Variants in RSL1D1 observed in about 807,000 individuals in gnomAD.
The protein encoded by RSL1D1 is ribosomal L1 domain-containing protein 1.
In RSL1D1, 34 loss-of-function variants were observed where a neutral mutation model predicts 44.6. That is an observed-to-expected ratio of 0.76 (90% CI 0.58 to 1.02). The LOEUF is 1.02. Among genes scored for constraint, RSL1D1 ranks in the 50% least tolerant of loss-of-function variants. The pLI is 0.00. For missense variants in RSL1D1, 767 were observed against 568.1 expected (o/e 1.35, Z -3.56); for synonymous variants, 271 against 207.4 (o/e 1.31, Z -2.63).
At chr16:11,847,878 T>C in intron 2 of RSL1D1, 72 bp from the exon 3 acceptor site, 11 of 1,447,492 alleles carry the variant, frequency 7.6e-6, no homozygotes, top group Admixed American at 1.9e-5. Context: ...TCACACAGAA[T>C]ACGCGATAAA....
intron 1 of RSL1D1, 200 bp downstream of exon 1, chr16:11,851,208 G>C (rs970506825): frequency 1.6e-6 from 1 of 631,826 alleles, no homozygotes; most frequent in African/African-American, 1.8e-5. Flanking sequence ...CAATTCACTA[G>C]CGCCAGGCCG....
rs770137672 is a variant in RSL1D1, at chr16:11,846,643, C to T, written c.534-41G>A. Reference sequence around the variant, plus strand: ...ACAGGCATTCAGAACACAATGCATACACACCTAGAAGCTTCATGCTGCTAA... The same window carrying T: ...ACAGGCATTCAGAACACAATGCATATACACCTAGAAGCTTCATGCTGCTAA... On this transcript the variant is annotated intron_variant, in intron 4 of 8. Transcript: ENST00000571133. 3 of 1,607,772 alleles carry T rather than the reference C, an allele frequency of 1.9e-6. No homozygotes were observed. In the African/African-American group the frequency reaches 4.0e-5, roughly 22 times the overall value.
intron 7 of RSL1D1, among the ~76,000 whole-genome samples, chr16:11,840,848 G>C (rs1232678072): frequency 3.3e-5 from 5 of 152,154 alleles, no homozygotes; most frequent in African/African-American, 4.8e-5. Context: ...GTCCTGTGAT[G>C]AAACAGCGCC....
At position 11,838,035 on chromosome 16, in the gene RSL1D1, CCTTT is replaced by C; in HGVS notation, c.1221_1224del (p.Lys408LeufsTer31). On this transcript the variant is annotated frameshift_variant, in exon 9 of 9. Coordinates refer to ENST00000571133, the MANE Select transcript of RSL1D1 (RefSeq NM_015659.3). LOFTEE classifies it low-confidence loss of function (END_TRUNC). ...TTTGGGGTCTCAGATGCTGGCAAAG[CCTTT>C]CTTTTCTTCCCACGAGGTGTGCTGG... 1 of 1,613,812 alleles carries C rather than the reference CCTTT, an allele frequency of 6.2e-7. No individual in the cohort carries two copies. Among genetic ancestry groups the C allele is most frequent in the East Asian group, 2.2e-5 (1 of 44,884 alleles).
chr16:11,847,430 C>G (rs1276006060), intron 3 of RSL1D1: 1 of 426,558 alleles, frequency 2.3e-6, no homozygotes, highest in Non-Finnish European at 4.2e-6. Context: ...AGTACACCAA[C>G]TACAAAACAG....
At chr16:11,846,008 C>T (rs1481760930) in intron 5 of RSL1D1, among the ~76,000 whole-genome samples, 1 of 150,978 alleles carries the variant, frequency 6.6e-6, no homozygotes, top group African/African-American at 2.4e-5. Flanking sequence ...GCTGGGATTA[C>T]AGGCATAAGC....
At position 11,847,781 on chromosome 16, in the gene RSL1D1, C is replaced by G. The variant is rs2053809759; in HGVS notation, c.271G>C (p.Asp91His). ...RLTLPHSIRSDSEDICLFTKD... is the reference protein window; with the variant it reads ...RLTLPHSIRSHSEDICLFTKD... ...GTAAATAAACAGATATCTTCTGAAT[C>G]TGATCGAATACTATGAGGCAAGGTC... is the stretch of plus-strand genomic sequence containing the variant. Residue 91 changes from aspartate to histidine, a missense_variant, in exon 3 of 9, where the codon GAT (aspartate) becomes CAT (histidine). Transcript: ENST00000571133. The G allele has an allele frequency of 7.4e-6, 12 of 1,613,392 alleles. No individual in the cohort carries two copies. Among genetic ancestry groups the G allele is most frequent in the Non-Finnish European group, 1.0e-5 (12 of 1,179,798 alleles).
At chr16:11,841,519 C>T (rs2053763650) in intron 7 of RSL1D1, 176 bp downstream of exon 7, 5 of 571,948 alleles carry the variant, frequency 8.7e-6, no homozygotes, top group Middle Eastern at 4.7e-4. Flanking sequence ...TCAACTACCT[C>T]ATGTAAAGTG....
chr16:11,837,715 G>T lies in RSL1D1; in HGVS notation c.*72C>A. 2 of 1,333,914 alleles carry T rather than the reference G, an allele frequency of 1.5e-6. No individual in the cohort carries two copies. The highest frequency in any genetic ancestry group is 2.1e-6 in the Non-Finnish European group (2 of 963,286). The allele number at this position is 1,333,914 out of a possible 1,614,324, so 82.6% of individuals were successfully genotyped here. A position where few individuals can be genotyped will look rare whatever the true frequency, so the allele number is the denominator to read the frequency against. ...GACGTTTAGAGAAGGTTACAAAGGC[G>T]GCCAGGATCTGAGTATTTCCAAAAA... is the stretch of plus-strand genomic sequence containing the variant. On this transcript the variant is annotated 3_prime_UTR_variant, in exon 9 of 9. Transcript: ENST00000571133.
intron 5 of RSL1D1, among the ~76,000 whole-genome samples, chr16:11,844,068 G>A (rs967123151): frequency 2.6e-5 from 4 of 152,070 alleles, no homozygotes; most frequent in South Asian, 2.1e-4. Flanking sequence ...CAGTGTCTGC[G>A]GAATGAGGAA....
At position 11,847,913 on chromosome 16, in the gene RSL1D1, A is replaced by C. The variant is rs928151709; in HGVS notation, c.246-107T>G. On this transcript the variant is annotated intron_variant, in intron 2 of 8. Transcript: ENST00000571133. ...ACTTAGTGTTATTTAAATAACTTTT[A>C]GTCATGCTAGTTAAGCAAATAATGC... 1.1e-5 allele frequency: 13 copies of C among 1,160,516 alleles called. No homozygotes were observed. In the Admixed American group the frequency reaches 1.1e-4, roughly 10 times the overall value. 71.9% of individuals were successfully genotyped at this position (1,160,516 alleles called of 1,614,324 possible). A position where few individuals can be genotyped will look rare whatever the true frequency, so the allele number is the denominator to read the frequency against.
Position 11,840,025 on chromosome 16 carries a change from T to G in RSL1D1, c.856-40A>C, listed in dbSNP as rs368969807. On this transcript the variant is annotated intron_variant, in intron 7 of 8. Coordinates refer to ENST00000571133, the MANE Select transcript of RSL1D1 (RefSeq NM_015659.3). ...CATACAAACATTTTAGCAGGAACAGTTCTGTTGGTTAACAAACGGCATAGA... is the reference window on the plus strand; with the variant it reads ...CATACAAACATTTTAGCAGGAACAGGTCTGTTGGTTAACAAACGGCATAGA... The G allele has an allele frequency of 3.8e-4, 600 of 1,593,596 alleles. 1 individual carries two copies. The highest frequency in any genetic ancestry group is 4.7e-4 in the Non-Finnish European group (553 of 1,172,574).
At chr16:11,850,444 A>T (rs1318560182) in intron 1 of RSL1D1, 26 bp from the exon 2 acceptor site, 2 of 1,583,984 alleles carry the variant, frequency 1.3e-6, no homozygotes, top group Non-Finnish European at 1.7e-6. Context: ...TAGACAAATA[A>T]GTGAAATGTT....
rs764484854 is a variant in RSL1D1, at chr16:11,851,528, T to C, written c.-16A>G. The C allele has an allele frequency of 5.6e-6, 9 of 1,611,714 alleles. No individual in the cohort carries two copies. In the African/African-American group the frequency reaches 9.4e-5, roughly 17 times the overall value. On this transcript the variant is annotated 5_prime_UTR_variant, in exon 1 of 9. Transcript: ENST00000571133. ...AATCCTCCATCTTGTTTCCACCTCG[T>C]GAAGAGGCGCGTGTGCAACCCCACT...
At position 11,846,794 on chromosome 16, in the gene RSL1D1, T is replaced by G. The variant is rs2053801958; in HGVS notation, c.434A>C (p.Lys145Thr). The change falls in exon 4 of 9, where the codon AAG becomes ACG. Residue 145 changes from lysine to threonine, a missense_variant. Transcript: ENST00000571133. ...ATCAAAACTGCTCAGAAGGCGGAGCTTGGCTTCATAGGATTTATATTCCTT... is the reference window on the plus strand; with the variant it reads ...ATCAAAACTGCTCAGAAGGCGGAGCGTGGCTTCATAGGATTTATATTCCTT... ...LKKEYKSYEA[K>T]LRLLSSFDFF... 1 of 1,613,192 alleles carries G rather than the reference T, an allele frequency of 6.2e-7. No individual in the cohort carries two copies.
chr16:11,839,706 C>T lies in RSL1D1; in HGVS notation c.1135G>A (p.Glu379Lys). 6.2e-7 allele frequency: 1 copy of T among 1,612,958 alleles called. No homozygotes were observed. Among genetic ancestry groups the T allele is most frequent in the Non-Finnish European group, 8.5e-7 (1 of 1,179,758 alleles). ...TATTAAAACAATACCTCTACTTTTTCATTAGCTGGAGTCTTCTTTCCTATT... is the reference window on the plus strand; with the variant it reads ...TATTAAAACAATACCTCTACTTTTTTATTAGCTGGAGTCTTCTTTCCTATT... ...VPIGKKTPAN[E>K]KVEIQKHATG... The change falls in exon 8 of 9, where the codon GAA becomes AAA. Residue 379 changes from glutamate (E) to lysine (K), a missense_variant. By Grantham distance (56) the Glu-to-Lys change is moderately conservative (BLOSUM62 1). Coordinates refer to ENST00000571133, the MANE Select transcript of RSL1D1 (RefSeq NM_015659.3).
intron 3 of RSL1D1, among the ~76,000 whole-genome samples, chr16:11,847,371 A>C (rs2053806311): frequency 6.6e-6 from 1 of 152,058 alleles, no homozygotes; most frequent in Non-Finnish European, 1.5e-5. Flanking sequence ...CGAGACTCCA[A>C]ACAAACAAAA....
At chr16:11,843,099 T>A (rs1015360387) in intron 5 of RSL1D1, among the ~76,000 whole-genome samples, 2 of 143,338 alleles carry the variant, frequency 1.4e-5, no homozygotes, top group Non-Finnish European at 3.1e-5. Flanking sequence ...TTTTTTGTAT[T>A]TTTTTTTTTT....
chr16:11,845,494 G>C (rs1031678362), intron 5 of RSL1D1, among the ~76,000 whole-genome samples: 5 of 152,184 alleles, frequency 3.3e-5, no homozygotes, highest in African/African-American at 1.2e-4. Flanking sequence ...TACTCTCCTT[G>C]CTTTTCTTAG....
Sources: allele counts gnomAD v4.1 joint callset (sites outside exome capture counted in the v4.1 genomes callset), GRCh38; gene constraint gnomAD v4.1.1; transcripts MANE v1.5; gene names NCBI Gene and HGNC (gene_info 2026-07-23, HGNC 2026-07-21).